Variants in SLC2A13 observed in about 807,000 individuals in gnomAD.
SLC2A13 encodes solute carrier family 2 member 13, also known as proton myo-inositol cotransporter.
A neutral mutation model predicts 64.4 loss-of-function variants in SLC2A13; 32 were observed. The ratio of observed to expected loss-of-function variants is 0.50; its 90% CI spans 0.37 to 0.67. The LOEUF (loss-of-function observed/expected upper bound fraction) is 0.67. SLC2A13 is among the 30% of genes least tolerant of loss of function. The pLI, the probability that SLC2A13 is intolerant of heterozygous loss-of-function variation, is 0.00. For synonymous variants in SLC2A13, 338 were observed against 327.1 expected (o/e 1.03, Z -0.36); for missense variants, 743 against 829.2 (o/e 0.90, Z 1.28).
chr12:39,861,478 T>C lies in SLC2A13; in HGVS notation c.1319+3284A>G, dbSNP rs187084955. Among the ~76,000 whole-genome samples, 8 of 152,324 alleles carry C rather than the reference T, an allele frequency of 5.3e-5. No individual in the cohort carries two copies. The East Asian group carries it at 1.3e-3, about 26-fold the overall frequency. On this transcript the variant is annotated intron_variant, in intron 6 of 9. Transcript: ENST00000280871. ...ACTTTTAAATGTTTTATGATAGTGA[T>C]TTACATATACTGAGATCACACCATA...
At chr12:40,090,875 C>T (rs1172901743) in intron 1 of SLC2A13, among the ~76,000 whole-genome samples, 1 of 152,160 alleles carries the variant, frequency 6.6e-6, no homozygotes, top group African/African-American at 2.4e-5. Flanking sequence ...AAAAAACTCA[C>T]TGCCTCAGAA....
rs374739620 is a variant in SLC2A13 at position 39,895,685 on chromosome 12, CAT to C, written c.1035-23726_1035-23725del. On this transcript the variant is annotated intron_variant, in intron 4 of 9. Coordinates refer to ENST00000280871, the MANE Select transcript of SLC2A13 (RefSeq NM_052885.4). ...ATGTATATGCGTGTATACGTACACACATATGTATATGCGTGTATACGTACACA... is the reference window on the plus strand; with the variant it reads ...ATGTATATGCGTGTATACGTACACACATGTATATGCGTGTATACGTACACA... Among the ~76,000 whole-genome samples the C allele has an allele frequency of 8.8e-4, 52 of 58,980 alleles. 15 individuals carry two copies. Among genetic ancestry groups the C allele is most frequent in the Non-Finnish European group, 2.0e-3 (42 of 21,298 alleles). The allele number at this position is 58,980 out of a possible 152,430, so 38.7% of individuals were successfully genotyped here.
intron 3 of SLC2A13, among the ~76,000 whole-genome samples, chr12:40,027,307 CA>C (rs1314255298): frequency 6.6e-5 from 10 of 152,064 alleles, no homozygotes; most frequent in Non-Finnish European, 1.5e-4. Context: ...GGCTGATGCT[CA>C]AAAAGCGTTA....
rs1186889499 is a variant in SLC2A13, at chr12:39,758,919, A to G, written c.*1107T>C. On this transcript the variant is annotated 3_prime_UTR_variant, in exon 10 of 10. Coordinates refer to ENST00000280871, the MANE Select transcript of SLC2A13 (RefSeq NM_052885.4). ...AATATGTGACATTTCCCTTAGGAAG[A>G]GCTAATAAAAAGTTAAGAAAAAAGT... The G allele has an allele frequency of 6.6e-6, 1 of 152,198 alleles. No individual in the cohort carries two copies. The highest frequency in any genetic ancestry group is 2.4e-5 in the African/African-American group (1 of 41,442). 9.4% of individuals were successfully genotyped at this position (152,198 alleles called of 1,614,324 possible).
intron 7 of SLC2A13, among the ~76,000 whole-genome samples, chr12:39,776,999 A>G (rs1440589139): frequency 6.6e-6 from 1 of 152,176 alleles, no homozygotes; most frequent in Non-Finnish European, 1.5e-5. Context: ...TTCCCCATAT[A>G]GTTGCTATGG....
intron 1 of SLC2A13, among the ~76,000 whole-genome samples, chr12:40,102,843 T>C (rs1009081872): frequency 6.6e-6 from 1 of 152,238 alleles, no homozygotes; most frequent in Admixed American, 6.5e-5. Flanking sequence ...TTAATGATTT[T>C]ATGTGTATAA....
At chr12:39,841,618 T>C (rs1592194205) in intron 6 of SLC2A13, among the ~76,000 whole-genome samples, 1 of 152,228 alleles carries the variant, frequency 6.6e-6, no homozygotes, top group Middle Eastern at 3.4e-3. Flanking sequence ...TATACATACA[T>C]GTATAAATAA....
At chr12:40,034,976 C>T (rs1206084110) in intron 2 of SLC2A13, among the ~76,000 whole-genome samples, 2 of 152,142 alleles carry the variant, frequency 1.3e-5, no homozygotes, top group Non-Finnish European at 2.9e-5. Context: ...GATGGCATCC[C>T]CCCGAGCTGG....
At chr12:40,104,081 A>T (rs931207) in intron 1 of SLC2A13, among the ~76,000 whole-genome samples, 19,285 of 152,182 alleles carry the variant, frequency 0.13, 1,455 homozygotes, top group African/African-American at 0.21. Context: ...AAAGGGTGAA[A>T]AGCACAAACA....
chr12:40,105,403 G>A lies in SLC2A13; in HGVS notation c.406C>T (p.Leu136=). The change falls in exon 1 of 10, where the codon CTG becomes TTG. Residue 136 remains leucine, a synonymous_variant. Coordinates refer to ENST00000280871, the MANE Select transcript of SLC2A13 (RefSeq NM_052885.4). This position sits in a 1 kb window ranked among gnomAD's most constrained non-coding sequence, Gnocchi z 4.2. ...ACGCCGTTGAGGGCGCCTCCGGCCA[G>A]CGCCGAGACGGCAGCCGCCCCCACC... is the stretch of plus-strand genomic sequence containing the variant. ...STVGAAAVSA[L]AGGALNGVFG... is the part of the protein sequence containing the mutation. The A allele has an allele frequency of 1.3e-6, 2 of 1,552,626 alleles. No homozygotes were observed. Among genetic ancestry groups the A allele is most frequent in the Non-Finnish European group, 1.7e-6 (2 of 1,149,478 alleles).
chr12:39,799,209 A>G (rs1592148167), intron 7 of SLC2A13, among the ~76,000 whole-genome samples: 1 of 141,390 alleles, frequency 7.1e-6, no homozygotes, highest in East Asian at 2.1e-4. Context: ...TCTACCTTGG[A>G]CTCTCGAGTA....
intron 4 of SLC2A13, among the ~76,000 whole-genome samples, chr12:39,912,728 C>T (rs918066968): frequency 2.6e-5 from 4 of 152,008 alleles, no homozygotes; most frequent in Non-Finnish European, 5.9e-5. Context: ...TGGAGCCCTG[C>T]CATAGTGTGG....
At chr12:40,081,370 T>G (rs1468293001) in intron 1 of SLC2A13, among the ~76,000 whole-genome samples, 1 of 152,226 alleles carries the variant, frequency 6.6e-6, no homozygotes, top group Non-Finnish European at 1.5e-5. Flanking sequence ...CATAATCCCT[T>G]ATTTCCCAGA....
intron 1 of SLC2A13, among the ~76,000 whole-genome samples, chr12:40,098,166 T>C (rs926418058): frequency 2.6e-5 from 4 of 152,118 alleles, no homozygotes; most frequent in African/African-American, 9.7e-5. Flanking sequence ...CAATGGAATA[T>C]TATGCAGCCT....
intron 3 of SLC2A13, among the ~76,000 whole-genome samples, chr12:39,961,160 C>T (rs778012742): frequency 1.9e-4 from 29 of 152,000 alleles, no homozygotes; most frequent in Non-Finnish European, 4.0e-4. Flanking sequence ...TCACTGCAAC[C>T]TCTGCCTCTT....
intron 7 of SLC2A13, among the ~76,000 whole-genome samples, chr12:39,794,706 T>C (rs1364293257): frequency 6.6e-6 from 1 of 152,230 alleles, no homozygotes; most frequent in Non-Finnish European, 1.5e-5. Flanking sequence ...TGTGGCAGCC[T>C]GGAGTGGCTG....
chr12:39,981,215 G>C (rs931448198), intron 3 of SLC2A13, among the ~76,000 whole-genome samples: 2 of 149,444 alleles, frequency 1.3e-5, no homozygotes, highest in African/African-American at 5.0e-5. Context: ...GCCCACAAGA[G>C]AAAGCAGGAA....
intron 4 of SLC2A13, among the ~76,000 whole-genome samples, chr12:39,947,482 C>T (rs1337365897): frequency 6.6e-6 from 1 of 152,146 alleles, no homozygotes; most frequent in Non-Finnish European, 1.5e-5. Flanking sequence ...TTTTCTTTCT[C>T]ACTACCTACG....
rs79430687 is a variant in SLC2A13 at position 40,028,078 on chromosome 12, A to G, written c.925+223T>C. On this transcript the variant is annotated intron_variant, in intron 3 of 9. Coordinates refer to ENST00000280871, the MANE Select transcript of SLC2A13 (RefSeq NM_052885.4). Reference sequence around the variant, plus strand: ...TAAACGAAGCATTTTAATTTTTTACAAAGATTATTTTGAAAACAGTTCAAT... The same window carrying G: ...TAAACGAAGCATTTTAATTTTTTACGAAGATTATTTTGAAAACAGTTCAAT... Among the ~76,000 whole-genome samples the G allele has an allele frequency of 7.2e-5, 11 of 152,264 alleles. No homozygotes were observed. In the East Asian group the frequency reaches 1.9e-3, roughly 27 times the overall value.
Sources: allele counts gnomAD v4.1 joint callset (sites outside exome capture counted in the v4.1 genomes callset), GRCh38; gene constraint gnomAD v4.1.1; non-coding constraint Gnocchi (gnomAD v3.1); transcripts MANE v1.5; gene names NCBI Gene and HGNC (gene_info 2026-07-23, HGNC 2026-07-21).